Variants in ATF3 observed in about 807,000 individuals in gnomAD.
ATF3 encodes activating transcription factor 3, also known as cyclic AMP-dependent transcription factor ATF-3.
ATF3 carries 10 observed loss-of-function variants against 18.4 expected under a neutral mutation model. That is an observed-to-expected ratio of 0.54 (90% CI 0.34 to 0.92). The LOEUF is 0.92. Ranked by LOEUF, ATF3 falls within the 40% of genes least tolerant of loss-of-function variation. The probability of loss-of-function intolerance (pLI) is 0.02; values close to 1 mark genes in which losing one functional copy is unlikely to be tolerated. For missense variants in ATF3, 183 were observed against 222.3 expected (o/e 0.82, Z 1.12); for synonymous variants, 78 against 87.9 (o/e 0.89, Z 0.63).
intron 1 of ATF3, among the ~76,000 whole-genome samples, chr1:212,571,346 A>G (rs1664476086): frequency 6.6e-6 from 1 of 152,196 alleles, no homozygotes; most frequent in Non-Finnish European, 1.5e-5. Context: ...TCTCTAAATT[A>G]ATTTTTTTCT....
rs1655210256 is a variant in ATF3 at position 212,618,143 on chromosome 1, A to G, written c.257A>G (p.Asp86Gly). 6.2e-7 allele frequency: 1 copy of G among 1,614,176 alleles called. No individual in the cohort carries two copies. The highest frequency in any genetic ancestry group is 8.5e-7 in the Non-Finnish European group (1 of 1,180,010). ...ITKAEVAPEE[D>G]ERKKRRRERN... is the part of the protein sequence containing the mutation. ...ATTTTACAGGTAGCCCCTGAAGAAG[A>G]TGAAAGGAAAAAGAGGCGACGAGAA... Residue 86 changes from aspartate (D) to glycine (G), a missense_variant, in exon 3 of 4, where the codon GAT becomes GGT. Physicochemically the swap from Asp to Gly is moderately conservative, Grantham distance 94 (BLOSUM62 -1). Coordinates refer to ENST00000341491, the MANE Select transcript of ATF3 (RefSeq NM_001674.4). This position sits in a 1 kb window ranked among gnomAD's most constrained non-coding sequence, Gnocchi z 4.4.
chr1:212,586,060 C>T (rs35432717), intron 1 of ATF3, among the ~76,000 whole-genome samples: 15,019 of 152,142 alleles, frequency 0.099, 1,288 homozygotes, highest in African/African-American at 0.23. Context: ...GGGTCCTGCC[C>T]GTGGGCAGGG....
intron 1 of ATF3, among the ~76,000 whole-genome samples, chr1:212,612,215 G>A (rs1654926450): frequency 6.6e-6 from 1 of 152,178 alleles, no homozygotes; most frequent in South Asian, 2.1e-4. Context: ...CCCACCCAAT[G>A]CTTTTCATAA....
chr1:212,614,602 A>AAG (rs1553304833), intron 1 of ATF3, among the ~76,000 whole-genome samples: 3,410 of 147,176 alleles, frequency 0.023, 171 homozygotes, highest in African/African-American at 0.081. Context: ...AAAAAAAAAA[A>AAG]AGAGAGAGAG....
intron 1 of ATF3, among the ~76,000 whole-genome samples, chr1:212,585,394 T>C (rs1214814907): frequency 6.6e-6 from 1 of 152,218 alleles, no homozygotes; most frequent in Admixed American, 6.5e-5. Flanking sequence ...GCTGGTGCTG[T>C]TGCCTCTGCC....
At chr1:212,577,848 T>C (rs1664609751) in intron 1 of ATF3, among the ~76,000 whole-genome samples, 1 of 152,256 alleles carries the variant, frequency 6.6e-6, no homozygotes, top group Non-Finnish European at 1.5e-5. Context: ...TTAGGTTGAT[T>C]CCATATCTTG....
intron 1 of ATF3, among the ~76,000 whole-genome samples, chr1:212,591,599 G>A (rs185871013): frequency 6.6e-6 from 1 of 152,146 alleles, no homozygotes; most frequent in East Asian, 1.9e-4. Context: ...CTACGTTTGT[G>A]GGCAGATTTG....
chr1:212,617,370 TAAGG>T (rs1655173793), intron 2 of ATF3, among the ~76,000 whole-genome samples: 1 of 152,204 alleles, frequency 6.6e-6, no homozygotes, highest in Non-Finnish European at 1.5e-5. Flanking sequence ...CATAGTGGCT[TAAGG>T]ATGTCAGAGC....
intron 1 of ATF3, among the ~76,000 whole-genome samples, chr1:212,584,116 T>TA (rs1471439169): frequency 6.6e-6 from 1 of 152,104 alleles, no homozygotes; most frequent in Non-Finnish European, 1.5e-5. Flanking sequence ...AATTATTTCT[T>TA]AAAGTCCCCC....
chr1:212,596,607 TG>T (rs930347762), intron 1 of ATF3, among the ~76,000 whole-genome samples: 11 of 152,094 alleles, frequency 7.2e-5, no homozygotes, highest in Non-Finnish European at 1.6e-4. Context: ...AAGAGTGCTG[TG>T]GGGGGTGTGA....
intron 1 of ATF3, among the ~76,000 whole-genome samples, chr1:212,601,044 C>T (rs1035445693): frequency 1.3e-5 from 2 of 152,070 alleles, no homozygotes; most frequent in Non-Finnish European, 2.9e-5. Flanking sequence ...GAGCAGTGTC[C>T]GGTAATAGGA....
At chr1:212,601,388 A>G (rs1354223132) in intron 1 of ATF3, among the ~76,000 whole-genome samples, 1 of 152,252 alleles carries the variant, frequency 6.6e-6, no homozygotes, top group Non-Finnish European at 1.5e-5. Context: ...GCATCTGTGC[A>G]TTCAGCAAGA....
intron 1 of ATF3, among the ~76,000 whole-genome samples, chr1:212,582,228 T>C (rs1664695913): frequency 6.6e-6 from 1 of 152,214 alleles, no homozygotes; most frequent in Non-Finnish European, 1.5e-5. Flanking sequence ...CTCCGTACTT[T>C]ATCTGGCAAC....
At chr1:212,568,103 T>C (rs889195182) in intron 1 of ATF3, among the ~76,000 whole-genome samples, 1 of 152,226 alleles carries the variant, frequency 6.6e-6, no homozygotes, top group Non-Finnish European at 1.5e-5. Flanking sequence ...ATTTGCAGAA[T>C]TAATGAATGA....
chr1:212,575,115 C>T (rs1361029534), intron 1 of ATF3, among the ~76,000 whole-genome samples: 5 of 152,168 alleles, frequency 3.3e-5, no homozygotes, highest in South Asian at 2.1e-4. Context: ...CATGATACCA[C>T]GACACCAGAG....
At chr1:212,602,740 A>G (rs1654515422) in intron 1 of ATF3, among the ~76,000 whole-genome samples, 1 of 152,216 alleles carries the variant, frequency 6.6e-6, no homozygotes, top group African/African-American at 2.4e-5. Flanking sequence ...ATAGCACGGA[A>G]CACCCAGAAT....
chr1:212,576,721 CTTT>C (rs57512671), intron 1 of ATF3, among the ~76,000 whole-genome samples: 13 of 57,304 alleles, frequency 2.3e-4, no homozygotes, highest in Admixed American at 9.0e-4. Context: ...CTTTTCTTTT[CTTT>C]TTTTTTTTTT....
In ATF3 at chr1:212,577,799, T is replaced by C. The variant is rs142152557; in HGVS notation, c.-5+12316T>C. Reference sequence around the variant, plus strand: ...TGAATAATATTTCATTGTGTACATATACCACATTTTCTCTATTCATTCATC... The same window carrying C: ...TGAATAATATTTCATTGTGTACATACACCACATTTTCTCTATTCATTCATC... On this transcript the variant is annotated intron_variant, in intron 1 of 3. Transcript: ENST00000366981. Among the ~76,000 whole-genome samples the C allele has an allele frequency of 6.0e-3, 911 of 152,368 alleles. 9 individuals are homozygous for C. Among genetic ancestry groups the C allele is most frequent in the African/African-American group, 0.021 (879 of 41,582 alleles).
intron 1 of ATF3, among the ~76,000 whole-genome samples, chr1:212,587,190 G>A (rs1370855104): frequency 4.6e-5 from 7 of 152,204 alleles, no homozygotes; most frequent in South Asian, 2.1e-4. Context: ...TTAAAAGACC[G>A]TGTTTGATAG....
Sources: gnomAD v4.1 joint callset for allele counts (sites outside exome capture counted in the v4.1 genomes callset) on GRCh38, gnomAD v4.1.1 for gene constraint, Gnocchi (gnomAD v3.1) non-coding constraint, MANE v1.5 for transcripts, NCBI Gene and HGNC (gene_info 2026-07-23, HGNC 2026-07-21) for gene names.